PRTFDC1: variants seen among roughly 807,000 people sequenced by gnomAD.
PRTFDC1 encodes phosphoribosyltransferase domain-containing protein 1.
Under a neutral mutation model 34.6 loss-of-function variants are expected in PRTFDC1, and 38 were observed. The observed-to-expected ratio is 1.10, with a 90% CI of 0.85 to 1.44. The LOEUF is 1.44. Ranked by LOEUF, PRTFDC1 falls within the 40% of genes most tolerant of loss-of-function variation. The pLI is 0.00. For missense variants in PRTFDC1, 270 were observed against 283.0 expected (o/e 0.95, Z 0.33); for synonymous variants, 93 against 98.1 (o/e 0.95, Z 0.31).
intron 1 of PRTFDC1, among the ~76,000 whole-genome samples, chr10:24,945,944 C>T (rs1361105668): frequency 2.6e-5 from 4 of 152,126 alleles, no homozygotes; most frequent in Admixed American, 6.5e-5. Context: ...TGAGGAGATT[C>T]TAGGAGAGCC....
At chr10:24,881,810 G>A (rs1396984717) in intron 3 of PRTFDC1, among the ~76,000 whole-genome samples, 2 of 152,298 alleles carry the variant, frequency 1.3e-5, no homozygotes, top group East Asian at 1.9e-4. Context: ...GGGCCCTGGA[G>A]TTCTGGGTAC....
chr10:24,942,262 T>C (rs940807819), intron 2 of PRTFDC1, 68 bp downstream of exon 2: 5 of 1,278,870 alleles, frequency 3.9e-6, no homozygotes, highest in South Asian at 1.2e-5. Flanking sequence ...TAAAGTATAT[T>C]GTGGGATTCA....
rs1190823700 is a variant in PRTFDC1, at chr10:24,872,803, TA to T, written c.340-741del. ...GTGTGTGTGTGTATATATATATATA[TA>T]TATTTTTTTTTTTTTTTTTTTTTGA... On this transcript the variant is annotated intron_variant, in intron 3 of 8. Transcript: ENST00000320152. Among the ~76,000 whole-genome samples, 37 of 121,576 alleles carry T rather than the reference TA, an allele frequency of 3.0e-4. 1 individual carries two copies. In the East Asian group the frequency reaches 7.4e-3, roughly 24 times the overall value. 79.8% of individuals were successfully genotyped at this position (121,576 alleles called of 152,430 possible).
intron 8 of PRTFDC1, among the ~76,000 whole-genome samples, chr10:24,850,741 A>AGCTCCAG (rs893183674): frequency 6.6e-6 from 1 of 152,210 alleles, no homozygotes; most frequent in African/African-American, 2.4e-5. Flanking sequence ...GAACAAGGGC[A>AGCTCCAG]GCTCCAGAGA....
At chr10:24,857,318 T>G (rs1588572341) in intron 5 of PRTFDC1, among the ~76,000 whole-genome samples, 1 of 152,192 alleles carries the variant, frequency 6.6e-6, no homozygotes, top group African/African-American at 2.4e-5. Flanking sequence ...AGGACTAAAT[T>G]TGGCCCTGAG....
At chr10:24,860,088 T>C (rs1016475567) in intron 4 of PRTFDC1, among the ~76,000 whole-genome samples, 1 of 152,126 alleles carries the variant, frequency 6.6e-6, no homozygotes, top group Non-Finnish European at 1.5e-5. Flanking sequence ...TACAATACTT[T>C]AAGAATCATG....
chr10:24,863,284 A>G (rs2152434), intron 4 of PRTFDC1, among the ~76,000 whole-genome samples: 18,027 of 152,216 alleles, frequency 0.12, 1,350 homozygotes, highest in South Asian at 0.21. Flanking sequence ...ATGCTAAATC[A>G]ACTTTGCCTG....
intron 3 of PRTFDC1, among the ~76,000 whole-genome samples, chr10:24,898,457 C>G (rs1848402929): frequency 1.1e-5 from 1 of 89,320 alleles, no homozygotes; most frequent in African/African-American, 4.4e-5. Context: ...GAATGAGACC[C>G]TGTCTCAAAA....
intron 3 of PRTFDC1, among the ~76,000 whole-genome samples, chr10:24,907,782 A>C (rs1183474829): frequency 6.6e-6 from 1 of 152,228 alleles, no homozygotes; most frequent in African/African-American, 2.4e-5. Flanking sequence ...GTAATGTGTT[A>C]TACATTTATT....
chr10:24,932,851 G>A (rs1380274967), intron 3 of PRTFDC1, among the ~76,000 whole-genome samples: 1 of 152,026 alleles, frequency 6.6e-6, no homozygotes, highest in Non-Finnish European at 1.5e-5. Context: ...CAAAGTTGGA[G>A]GACACATACT....
intron 4 of PRTFDC1, among the ~76,000 whole-genome samples, chr10:24,863,179 T>C (rs1017999290): frequency 1.9e-4 from 28 of 148,304 alleles, no homozygotes; most frequent in Admixed American, 6.0e-4. Context: ...TGACGCCCCC[T>C]AGACTGACTC....
At chr10:24,894,406 A>C (rs1049322136) in intron 3 of PRTFDC1, among the ~76,000 whole-genome samples, 1 of 151,810 alleles carries the variant, frequency 6.6e-6, no homozygotes, top group East Asian at 1.9e-4. Context: ...GAAGTGCTGC[A>C]TGAGCTGTGA....
rs77428528 is a variant in PRTFDC1 at position 24,906,177 on chromosome 10, T to C, written c.339+31007A>G. ...TTCCTCCTGTAATCTTGGGCAACTA[T>C]AGACATTGCTTTCTCAATGCTTTCT... On this transcript the variant is annotated intron_variant, in intron 3 of 8. Transcript: ENST00000320152. 5.2e-3 allele frequency among the ~76,000 whole-genome samples: 786 copies of C among 152,318 alleles called. 10 individuals are homozygous for C. Among genetic ancestry groups the C allele is most frequent in the African/African-American group, 0.018 (755 of 41,568 alleles).
chr10:24,858,438 A>G, intron 4 of PRTFDC1, 29 bp from the exon 5 acceptor site: 1 of 1,610,632 alleles, frequency 6.2e-7, no homozygotes, highest in South Asian at 1.1e-5. Context: ...ATATTTTAGA[A>G]TGTGATGCCA....
intron 3 of PRTFDC1, among the ~76,000 whole-genome samples, chr10:24,900,345 T>C (rs929042927): frequency 1.4e-4 from 21 of 152,246 alleles, no homozygotes; most frequent in Admixed American, 7.8e-4. Flanking sequence ...CACTGTTCCA[T>C]GTCTAGGCTC....
chr10:24,852,283 G>T (rs1478761098), intron 7 of PRTFDC1, among the ~76,000 whole-genome samples: 1 of 152,010 alleles, frequency 6.6e-6, no homozygotes, highest in Non-Finnish European at 1.5e-5. Context: ...TTCCCGAGTA[G>T]CTGGGAAGAC....
intron 3 of PRTFDC1, among the ~76,000 whole-genome samples, chr10:24,922,006 T>A (rs569321765): frequency 7.2e-5 from 11 of 152,316 alleles, no homozygotes; most frequent in African/African-American, 2.6e-4. Context: ...TATTTTTCCA[T>A]AAATATTTTC....
intron 3 of PRTFDC1, among the ~76,000 whole-genome samples, chr10:24,909,436 C>G (rs1025606105): frequency 5.9e-5 from 9 of 152,302 alleles, no homozygotes; most frequent in African/African-American, 1.7e-4. Context: ...AGTCAGCTTC[C>G]TTTACTAGGC....
chr10:24,928,913 G>A (rs1848924760), intron 3 of PRTFDC1, among the ~76,000 whole-genome samples: 1 of 151,460 alleles, frequency 6.6e-6, no homozygotes. Context: ...GGTGGCGGGC[G>A]CCTGTAGTCC....
Sources: gnomAD v4.1 joint callset for allele counts (sites outside exome capture counted in the v4.1 genomes callset) on GRCh38, gnomAD v4.1.1 for gene constraint, MANE v1.5 for transcripts, NCBI Gene and HGNC (gene_info 2026-07-23, HGNC 2026-07-21) for gene names.